The following TENT2 variants were observed in gnomAD, a reference collection of about 807,000 sequenced individuals.
The protein encoded by TENT2 is poly(A) RNA polymerase GLD2.
Under a neutral mutation model 72.2 loss-of-function variants are expected in TENT2, and 44 were observed. The observed-to-expected ratio is 0.61, with a 90% confidence interval of 0.48 to 0.78. TENT2 has a LOEUF of 0.78. Among genes scored for constraint, TENT2 ranks in the 30% least tolerant of loss-of-function variants. The pLI is 0.00. For synonymous variants in TENT2, 212 were observed against 192.5 expected, an observed-to-expected ratio of 1.10 and a Z score of -0.84; for missense variants, 541 against 569.6, an observed-to-expected ratio of 0.95 and a Z score of 0.51.
intron 12 of TENT2, among the ~76,000 whole-genome samples, chr5:79,670,165 G>A (rs2150683751): frequency 6.6e-6 from 1 of 151,098 alleles, no homozygotes; most frequent in African/African-American, 2.4e-5. Flanking sequence ...GTTGCAGTAA[G>A]CTGAGATTGT....
intron 12 of TENT2, among the ~76,000 whole-genome samples, chr5:79,669,750 TAATA>T (rs1165173425): frequency 2.0e-5 from 3 of 151,804 alleles, no homozygotes; most frequent in Admixed American, 2.0e-4. Flanking sequence ...GTAATAATAA[TAATA>T]AATTGCTATT....
intron 11 of TENT2, 69 bp from the exon 12 acceptor site, chr5:79,668,823 G>A: frequency 6.7e-7 from 1 of 1,487,670 alleles, no homozygotes; most frequent in South Asian, 1.4e-5. Flanking sequence ...GCCTAGTTCA[G>A]GATTTATAAA....
intron 12 of TENT2, among the ~76,000 whole-genome samples, chr5:79,676,931 G>A (rs150870823): frequency 6.6e-6 from 1 of 152,246 alleles, no homozygotes; most frequent in African/African-American, 2.4e-5. Flanking sequence ...GAAATATTTA[G>A]GGAAGATATT....
intron 6 of TENT2, among the ~76,000 whole-genome samples, chr5:79,642,042 A>T (rs746273507): frequency 2.0e-5 from 3 of 152,008 alleles, no homozygotes; most frequent in Non-Finnish European, 4.4e-5. Context: ...CATTAAGCTG[A>T]CTTGAGGCAG....
intron 7 of TENT2, among the ~76,000 whole-genome samples, chr5:79,643,602 C>A (rs964506451): frequency 1.3e-5 from 2 of 152,136 alleles, no homozygotes; most frequent in African/African-American, 4.8e-5. Flanking sequence ...AAGTACAAGT[C>A]AAGTAACAAG....
chr5:79,669,063 T>C (rs779947216), intron 12 of TENT2, 35 bp downstream of exon 12: 23 of 1,602,960 alleles, frequency 1.4e-5, no homozygotes, highest in African/African-American at 2.7e-5. Flanking sequence ...TGTTCACTTA[T>C]ATGTGTGTGT....
chr5:79,631,885 A>G (rs565968897), intron 4 of TENT2, among the ~76,000 whole-genome samples: 165 of 149,700 alleles, frequency 1.1e-3, no homozygotes, highest in African/African-American at 3.9e-3. Context: ...ACTGGCTGAT[A>G]GGAGGAGAGG....
chr5:79,664,141 A>G (rs1410205331), intron 11 of TENT2, among the ~76,000 whole-genome samples: 2 of 152,220 alleles, frequency 1.3e-5, no homozygotes, highest in East Asian at 1.9e-4. Context: ...ACCATTTCAT[A>G]TAAGGGACTT....
intron 11 of TENT2, among the ~76,000 whole-genome samples, chr5:79,664,694 A>C (rs1805928291): frequency 1.3e-5 from 2 of 152,158 alleles, no homozygotes; most frequent in Admixed American, 1.3e-4. Context: ...AATTTTGAAA[A>C]CGTAGAAAAA....
intron 4 of TENT2, among the ~76,000 whole-genome samples, chr5:79,639,797 G>A (rs1390692577): frequency 6.6e-6 from 1 of 152,116 alleles, no homozygotes; most frequent in African/African-American, 2.4e-5. Context: ...CCAGTTTATT[G>A]TAAAGACCAC....
At chr5:79,681,935 C>G in intron 13 of TENT2, 47 bp from the exon 14 acceptor site, 1 of 1,483,790 alleles carries the variant, frequency 6.7e-7, no homozygotes, top group Non-Finnish European at 9.3e-7. Context: ...GAAACTGTAG[C>G]TCTCATTTTA....
chr5:79,653,825 C>G (rs1795935842), intron 10 of TENT2, among the ~76,000 whole-genome samples: 1 of 152,148 alleles, frequency 6.6e-6, no homozygotes, highest in Non-Finnish European at 1.5e-5. Context: ...GTAGTTACAG[C>G]TCTGCCACAA....
chr5:79,672,733 A>G (rs1813946272), intron 12 of TENT2, among the ~76,000 whole-genome samples: 3 of 152,140 alleles, frequency 2.0e-5, no homozygotes, highest in African/African-American at 7.2e-5. Context: ...AGTTCCTTCT[A>G]AATTTTGGCT....
Position 79,668,600 on chromosome 5 carries a change from T to C in TENT2, c.1072-292T>C, listed in dbSNP as rs1810406264. On this transcript the variant is annotated intron_variant, in intron 11 of 14. Transcript: ENST00000453514. ...GGTATTGGGTAGATCTTGGTTTGTA[T>C]AGTAAGGTTTTATTTATGAGTTAGA... is the stretch of plus-strand genomic sequence containing the variant. 1.6e-5 allele frequency: 4 copies of C among 255,002 alleles called. No individual in the cohort carries two copies. The East Asian group carries it at 2.5e-4, about 16-fold the overall frequency. The allele number at this position is 255,002 out of a possible 1,614,324, so 15.8% of individuals were successfully genotyped here.
intron 4 of TENT2, among the ~76,000 whole-genome samples, chr5:79,637,578 C>A (rs1363438592): frequency 6.6e-6 from 1 of 152,070 alleles, no homozygotes; most frequent in Non-Finnish European, 1.5e-5. Flanking sequence ...AGGCACGCAT[C>A]ACCATGTCCA....
At chr5:79,631,300 G>C (rs1561480740) in intron 4 of TENT2, among the ~76,000 whole-genome samples, 1 of 152,174 alleles carries the variant, frequency 6.6e-6, no homozygotes, top group African/African-American at 2.4e-5. Context: ...TTCTACAGCT[G>C]GTGGCCTCAT....
intron 12 of TENT2, among the ~76,000 whole-genome samples, chr5:79,671,311 A>G (rs755581752): frequency 1.3e-5 from 2 of 152,202 alleles, no homozygotes; most frequent in Admixed American, 1.3e-4. Flanking sequence ...GTAATAAACT[A>G]GAAGCTGTAT....
chr5:79,645,217 T>C (rs1403914463), intron 8 of TENT2, 25 bp downstream of exon 8: 18 of 1,562,034 alleles, frequency 1.2e-5, no homozygotes, highest in Non-Finnish European at 1.6e-5. Flanking sequence ...AGCTTTCTTT[T>C]TTTAGTTCCT....
intron 11 of TENT2, among the ~76,000 whole-genome samples, chr5:79,659,927 A>G (rs1801431558): frequency 6.6e-6 from 1 of 152,032 alleles, no homozygotes; most frequent in Non-Finnish European, 1.5e-5. Flanking sequence ...GCTTGTATAA[A>G]TAAGTTTAAG....
Sources: gnomAD v4.1 joint callset for allele counts (sites outside exome capture counted in the v4.1 genomes callset) on GRCh38, gnomAD v4.1.1 for gene constraint, MANE v1.5 for transcripts, NCBI Gene and HGNC (gene_info 2026-07-23, HGNC 2026-07-21) for gene names.